The following ESD variants were observed in gnomAD, a reference collection of about 807,000 sequenced individuals.
The protein encoded by ESD is S-formylglutathione hydrolase.
ESD carries 34 observed loss-of-function variants against 38.1 expected under a neutral mutation model. The observed-to-expected ratio is 0.89, with a 90% CI of 0.68 to 1.19. ESD has a LOEUF of 1.19. Ranked by LOEUF, ESD falls within the 50% of genes most tolerant of loss-of-function variation. ESD has a pLI of 0.00. For synonymous variants in ESD, 97 were observed against 107.0 expected (o/e 0.91, Z 0.58); for missense variants, 334 against 327.2 (o/e 1.02, Z -0.16).
At chr13:46,781,721 T>C in intron 6 of ESD, 106 bp from the exon 7 acceptor site, 1 of 1,040,138 alleles carries the variant, frequency 9.6e-7, no homozygotes, top group Non-Finnish European at 1.4e-6. Context: ...AATCATAGTC[T>C]TACAATGGTT....
At chr13:46,796,132 A>G (rs896479051) in intron 1 of ESD, among the ~76,000 whole-genome samples, 1 of 152,082 alleles carries the variant, frequency 6.6e-6, no homozygotes, top group African/African-American at 2.4e-5. Flanking sequence ...CTCACTCCCT[A>G]TTTTGTTAGT....
chr13:46,775,729 CA>C (rs1874775294), intron 9 of ESD: 1 of 465,706 alleles, frequency 2.1e-6, no homozygotes, highest in Non-Finnish European at 4.4e-6. Context: ...CACCTGAGCT[CA>C]ACATTGTGAC....
At chr13:46,780,613 A>G (rs1301872229) in intron 7 of ESD, among the ~76,000 whole-genome samples, 2 of 151,730 alleles carry the variant, frequency 1.3e-5, no homozygotes, top group African/African-American at 2.4e-5. Context: ...AAAAAAATCA[A>G]CTAAGTTTGC....
At chr13:46,784,146 AC>A in intron 5 of ESD, 105 bp downstream of exon 5, 1 of 858,874 alleles carries the variant, frequency 1.2e-6, no homozygotes, top group East Asian at 2.7e-5. Context: ...AATAGAGATA[AC>A]AGCAAAAATA....
Position 46,782,546 on chromosome 13 carries a change from T to C in ESD, c.381+121A>G, listed in dbSNP as rs1485773673. 9 of 1,031,250 alleles carry C rather than the reference T, an allele frequency of 8.7e-6. No individual in the cohort carries two copies. The Admixed American group carries it at 1.2e-4, about 14-fold the overall frequency. 63.9% of individuals were successfully genotyped at this position (1,031,250 alleles called of 1,614,324 possible). A position where few individuals can be genotyped will look rare whatever the true frequency, so the allele number is the denominator to read the frequency against. Reference sequence around the variant, plus strand: ...ATAGAACTATAGTACTAGCAAACTTTGGAATTTTTACTAGTAACTTTTATA... The same window carrying C: ...ATAGAACTATAGTACTAGCAAACTTCGGAATTTTTACTAGTAACTTTTATA... On this transcript the variant is annotated intron_variant, in intron 6 of 9. Transcript: ENST00000378720.
chr13:46,772,189 T>C (rs1252976757), intron 9 of ESD, among the ~76,000 whole-genome samples: 1 of 152,178 alleles, frequency 6.6e-6, no homozygotes, highest in Admixed American at 6.5e-5. Context: ...AGGCCTGACA[T>C]CCCTTAGCAA....
chr13:46,782,939 GATT>G, intron 5 of ESD, 148 bp from the exon 6 acceptor site: 3 of 980,686 alleles, frequency 3.1e-6, no homozygotes, highest in Non-Finnish European at 3.0e-6. Flanking sequence ...CACATGATAG[GATT>G]ATACTTCCTG....
intron 3 of ESD, chr13:46,790,602 A>C (rs138189859): frequency 6.6e-6 from 1 of 152,232 alleles, no homozygotes; most frequent in East Asian, 1.9e-4. Context: ...CTTACCTCCA[A>C]TCTTTCCCAG....
chr13:46,783,048 T>TAGG (rs1330958965), intron 5 of ESD, among the ~76,000 whole-genome samples: 1 of 151,992 alleles, frequency 6.6e-6, no homozygotes, highest in Non-Finnish European at 1.5e-5. Flanking sequence ...CAAGGTAAGA[T>TAGG]ACACTAACTT....
chr13:46,794,005 T>C (rs1021918876), intron 1 of ESD, among the ~76,000 whole-genome samples: 1 of 152,166 alleles, frequency 6.6e-6, no homozygotes, highest in Non-Finnish European at 1.5e-5. Context: ...GAAACTTACA[T>C]AGTATATATC....
At chr13:46,775,984 T>C in intron 9 of ESD, 1 of 230,328 alleles carries the variant, frequency 4.3e-6, no homozygotes, top group Non-Finnish European at 8.7e-6. Flanking sequence ...ACAGAAATTT[T>C]GGGCCCAGTC....
intron 3 of ESD, among the ~76,000 whole-genome samples, chr13:46,789,191 G>C (rs1487290446): frequency 6.6e-6 from 1 of 152,112 alleles, no homozygotes; most frequent in African/African-American, 2.4e-5. Context: ...CTGTTTTCTT[G>C]GATCTTATGC....
chr13:46,787,157 C>A (rs2138298812), intron 3 of ESD, 48 bp from the exon 4 acceptor site: 1 of 1,079,850 alleles, frequency 9.3e-7, no homozygotes, highest in South Asian at 1.5e-5. Context: ...CCTCATTAAT[C>A]AATACAGAAA....
chr13:46,774,377 T>A (rs1041791247), intron 9 of ESD, among the ~76,000 whole-genome samples: 1 of 152,202 alleles, frequency 6.6e-6, no homozygotes, highest in Admixed American at 6.5e-5. Context: ...AGTTACACAA[T>A]TCGAGCTAAT....
At chr13:46,771,943 T>C (rs1343628849) in intron 9 of ESD, among the ~76,000 whole-genome samples, 2 of 152,146 alleles carry the variant, frequency 1.3e-5, no homozygotes, top group African/African-American at 4.8e-5. Flanking sequence ...AATCAGGATT[T>C]AGAGATCTTA....
intron 1 of ESD, among the ~76,000 whole-genome samples, chr13:46,796,028 A>T (rs556505400): frequency 9.9e-5 from 15 of 151,690 alleles, no homozygotes; most frequent in African/African-American, 3.2e-4. Context: ...TCTGGGGAAA[A>T]TTTTTTAAAA....
intron 6 of ESD, 44 bp from the exon 7 acceptor site, chr13:46,781,659 A>T: frequency 6.5e-7 from 1 of 1,542,564 alleles, no homozygotes; most frequent in South Asian, 1.1e-5. Context: ...CAAAGAAAAT[A>T]AGTTCAGACA....
chr13:46,786,746 T>G (rs1330303563), intron 4 of ESD, among the ~76,000 whole-genome samples: 1 of 151,956 alleles, frequency 6.6e-6, no homozygotes, highest in Non-Finnish European at 1.5e-5. Context: ...AGGTCCAAAT[T>G]AAGTAAATAA....
chr13:46,791,528 T>C (rs985255851), intron 2 of ESD, 108 bp from the exon 3 acceptor site: 10 of 770,894 alleles, frequency 1.3e-5, no homozygotes, highest in Non-Finnish European at 1.9e-5. Flanking sequence ...AACTATTTTC[T>C]ACTTAGAATT....
Sources: gnomAD v4.1 joint callset for allele counts (sites outside exome capture counted in the v4.1 genomes callset) on GRCh38, gnomAD v4.1.1 for gene constraint, MANE v1.5 for transcripts, NCBI Gene and HGNC (gene_info 2026-07-23, HGNC 2026-07-21) for gene names.